Variants in SLC39A11 observed in about 807,000 individuals in gnomAD.
SLC39A11 encodes the protein solute carrier family 39 member 11.
In SLC39A11, 33 loss-of-function variants were observed where a neutral mutation model predicts 36.1. The ratio of observed to expected loss-of-function variants is 0.91; its 90% CI spans 0.69 to 1.22. SLC39A11 has a LOEUF of 1.22. Ranked by LOEUF, SLC39A11 falls within the 50% of genes most tolerant of loss-of-function variation. The pLI is 0.00. For synonymous variants in SLC39A11, 166 were observed against 170.3 expected (o/e 0.97, Z 0.20); for missense variants, 432 against 430.3 (o/e 1.00, Z -0.03).
intron 5 of SLC39A11, among the ~76,000 whole-genome samples, chr17:72,929,736 C>T (rs1055506742): frequency 2.0e-5 from 3 of 152,052 alleles, no homozygotes; most frequent in Admixed American, 1.3e-4. Context: ...AGTTGTGCCC[C>T]GGGGGTCTTG....
chr17:72,749,543 G>A (rs911544754), intron 6 of SLC39A11, among the ~76,000 whole-genome samples: 1 of 152,230 alleles, frequency 6.6e-6, no homozygotes, highest in African/African-American at 2.4e-5. Flanking sequence ...GGAAGCATGA[G>A]GCAATGAGTA....
intron 6 of SLC39A11, among the ~76,000 whole-genome samples, chr17:72,813,787 A>G (rs753672181): frequency 8.5e-5 from 13 of 152,244 alleles, no homozygotes; most frequent in Non-Finnish European, 1.8e-4. Context: ...CAAAAGAGTA[A>G]AACGCCTTTA....
At position 72,787,875 on chromosome 17, in the gene SLC39A11, A is replaced by C. The variant is rs148684026; in HGVS notation, c.602-51156T>G. On this transcript the variant is annotated intron_variant, in intron 6 of 9. Transcript: ENST00000255559. Reference sequence around the variant, plus strand: ...TCCCCCTCCTTCCCTGGGCTCCCTTACTGGGCGCATCCAGTTATTTTGAGC... The same window carrying C: ...TCCCCCTCCTTCCCTGGGCTCCCTTCCTGGGCGCATCCAGTTATTTTGAGC... Among the ~76,000 whole-genome samples the C allele has an allele frequency of 4.6e-5, 7 of 152,058 alleles. No homozygotes were observed. The East Asian group carries it at 1.2e-3, about 25-fold the overall frequency.
intron 6 of SLC39A11, among the ~76,000 whole-genome samples, chr17:72,746,049 G>A (rs2074922295): frequency 6.6e-6 from 1 of 152,162 alleles, no homozygotes. Flanking sequence ...AGAGAGGAGG[G>A]CTTTGAAACA....
At chr17:73,048,765 C>T (rs892044091) in intron 3 of SLC39A11, among the ~76,000 whole-genome samples, 9 of 152,106 alleles carry the variant, frequency 5.9e-5, no homozygotes, top group Non-Finnish European at 1.0e-4. Flanking sequence ...GGCCTACAAG[C>T]GGATACTACG....
At chr17:72,706,442 C>A (rs150254354) in intron 7 of SLC39A11, among the ~76,000 whole-genome samples, 2 of 152,114 alleles carry the variant, frequency 1.3e-5, no homozygotes, top group Admixed American at 6.5e-5. Flanking sequence ...AGCACAGGGG[C>A]GTGTCTTGCC....
At chr17:72,786,773 C>G (rs772625513) in intron 6 of SLC39A11, among the ~76,000 whole-genome samples, 15 of 152,106 alleles carry the variant, frequency 9.9e-5, no homozygotes, top group Non-Finnish European at 1.5e-4. Flanking sequence ...ATGCTGAGGA[C>G]TGGGGTCCTA....
intron 5 of SLC39A11, among the ~76,000 whole-genome samples, chr17:72,887,068 G>A (rs1239215326): frequency 6.6e-6 from 1 of 152,130 alleles, no homozygotes; most frequent in African/African-American, 2.4e-5. Context: ...ATTACCTTAT[G>A]TATCTTTGTC....
Position 72,691,077 on chromosome 17 carries a change from G to A in SLC39A11, c.672-41809C>T, listed in dbSNP as rs537752783. 2.8e-4 allele frequency among the ~76,000 whole-genome samples: 42 copies of A among 152,320 alleles called. 1 individual carries two copies. The South Asian group carries it at 6.4e-3, about 23-fold the overall frequency. ...GCTCAAAGGAATGATTCCATACATG[G>A]AGTCTGCACAGGTGAGGGCAGACTA... On this transcript the variant is annotated intron_variant, in intron 7 of 9. Transcript: ENST00000255559.
intron 4 of SLC39A11, among the ~76,000 whole-genome samples, chr17:73,008,133 C>A (rs1471290133): frequency 6.6e-5 from 4 of 60,798 alleles, no homozygotes; most frequent in Non-Finnish European, 2.5e-4. Context: ...GAAAAAGAAA[C>A]ATTTGTTGTT....
chr17:72,990,191 C>G (rs1035838002), intron 4 of SLC39A11, among the ~76,000 whole-genome samples: 1 of 152,122 alleles, frequency 6.6e-6, no homozygotes, highest in African/African-American at 2.4e-5. Flanking sequence ...ACATTCAAAC[C>G]GATGCAGAGC....
At chr17:73,062,475 A>AAAAAAACAAAAAAAAAAC (rs56021607) in intron 3 of SLC39A11, among the ~76,000 whole-genome samples, 1 of 87,034 alleles carries the variant, frequency 1.1e-5, no homozygotes, top group African/African-American at 4.6e-5. Context: ...AAAAAAAAAA[A>AAAAAAACAAAAAAAAAAC]AAACTTTAGG....
intron 6 of SLC39A11, among the ~76,000 whole-genome samples, chr17:72,766,922 A>C (rs1440797463): frequency 6.6e-6 from 1 of 152,096 alleles, no homozygotes; most frequent in Non-Finnish European, 1.5e-5. Context: ...GCCAGCCCCA[A>C]GATAACCTCC....
chr17:72,757,455 C>T (rs528590499), intron 6 of SLC39A11, among the ~76,000 whole-genome samples: 129 of 152,238 alleles, frequency 8.5e-4, no homozygotes, highest in African/African-American at 3.0e-3. Context: ...CCATGCTCTC[C>T]TAGAGCATCA....
At chr17:73,010,438 G>A (rs2090449390) in intron 4 of SLC39A11, among the ~76,000 whole-genome samples, 1 of 152,168 alleles carries the variant, frequency 6.6e-6, no homozygotes, top group Admixed American at 6.5e-5. Flanking sequence ...AAACAAAAGC[G>A]AGTTATAGGT....
At chr17:72,655,446 C>T (rs1031587520) in intron 7 of SLC39A11, among the ~76,000 whole-genome samples, 2 of 152,246 alleles carry the variant, frequency 1.3e-5, no homozygotes, top group East Asian at 1.9e-4. Context: ...GCCGATGCCT[C>T]GGCCCTGCCC....
chr17:73,003,967 T>A (rs2089979281), intron 4 of SLC39A11, among the ~76,000 whole-genome samples: 1 of 151,684 alleles, frequency 6.6e-6, no homozygotes, highest in Admixed American at 6.6e-5. Flanking sequence ...ATGCCTGTAA[T>A]CCCAGCTACT....
intron 6 of SLC39A11, among the ~76,000 whole-genome samples, chr17:72,759,216 T>C (rs1021892070): frequency 1.2e-4 from 19 of 152,056 alleles, no homozygotes; most frequent in African/African-American, 4.1e-4. Context: ...GAAAAGATGA[T>C]AGACTATATA....
intron 6 of SLC39A11, among the ~76,000 whole-genome samples, chr17:72,801,712 T>G (rs779983555): frequency 3.3e-5 from 5 of 152,230 alleles, no homozygotes; most frequent in Non-Finnish European, 5.9e-5. Context: ...AAAAATTTAC[T>G]ATGTATATCT....
Sources: gnomAD v4.1 joint callset for allele counts (sites outside exome capture counted in the v4.1 genomes callset) on GRCh38, gnomAD v4.1.1 for gene constraint, MANE v1.5 for transcripts, NCBI Gene and HGNC (gene_info 2026-07-23, HGNC 2026-07-21) for gene names.